ARK2N: variants seen among roughly 807,000 people sequenced by gnomAD.
The protein encoded by ARK2N is protein ARK2N.
At chr18:46,185,325 A>C in the ARK2N span, among the ~76,000 whole-genome samples, 1 of 152,156 alleles carries the variant, frequency 6.6e-6, no homozygotes, top group Admixed American at 6.5e-5. Flanking sequence ...ATAGTGTGCT[A>C]TTTATTCTCC....
the ARK2N span, among the ~76,000 whole-genome samples, chr18:46,185,736 C>T: frequency 9.2e-5 from 14 of 152,274 alleles, no homozygotes; most frequent in South Asian, 2.3e-3. Flanking sequence ...CCTGTAATCC[C>T]AGTACTTTGT....
At chr18:46,224,006 A>G in the ARK2N span, among the ~76,000 whole-genome samples, 1 of 152,210 alleles carries the variant, frequency 6.6e-6, no homozygotes, top group Non-Finnish European at 1.5e-5. Flanking sequence ...CCCAAACTAT[A>G]GGTGACCCAA....
the ARK2N span, among the ~76,000 whole-genome samples, chr18:46,205,362 C>G: frequency 1.3e-5 from 2 of 152,156 alleles, no homozygotes; most frequent in African/African-American, 4.8e-5. Context: ...TCTAAATCTT[C>G]AGGAGGATTT....
At chr18:46,194,467 TTTTTTTTTTTG>T in the ARK2N span, among the ~76,000 whole-genome samples, 134 of 128,632 alleles carry the variant, frequency 1.0e-3, 2 homozygotes, top group African/African-American at 3.0e-3. Context: ...CTTTTTTTTG[TTTTTTTTTTTG>T]TTTGTTTTTT....
At chr18:46,255,445 C>CTTTTTTTTTTTTTTTT in the ARK2N span, among the ~76,000 whole-genome samples, 15 of 77,724 alleles carry the variant, frequency 1.9e-4, no homozygotes, top group African/African-American at 8.6e-4. Flanking sequence ...CTTTTCTTTT[C>CTTTTTTTTTTTTTTTT]TTTTTTTTTT....
At chr18:46,257,644 A>G in the ARK2N span, among the ~76,000 whole-genome samples, 1 of 147,176 alleles carries the variant, frequency 6.8e-6, no homozygotes, top group Non-Finnish European at 1.5e-5. Context: ...AAAACTTTTA[A>G]TTTACAAACC....
chr18:46,229,893 C>T, the ARK2N span, among the ~76,000 whole-genome samples: 2 of 151,956 alleles, frequency 1.3e-5, no homozygotes, highest in Non-Finnish European at 2.9e-5. Flanking sequence ...TACGAGCCAC[C>T]ACGCCTCGCC....
chr18:46,190,852 C>G, the ARK2N span, among the ~76,000 whole-genome samples: 1 of 152,146 alleles, frequency 6.6e-6, no homozygotes, highest in South Asian at 2.1e-4. Flanking sequence ...CACTGGTTTT[C>G]TGTATGCTAT....
At chr18:46,210,183 A>G in the ARK2N span, among the ~76,000 whole-genome samples, 1 of 152,222 alleles carries the variant, frequency 6.6e-6, no homozygotes. Context: ...ATGATAGTCA[A>G]TACTATTGAA....
chr18:46,200,317 T>C, the ARK2N span, among the ~76,000 whole-genome samples: 3 of 151,238 alleles, frequency 2.0e-5, no homozygotes, highest in South Asian at 2.1e-4. Context: ...TGTTCGTTTG[T>C]TTTTTTTTAA....
chr18:46,193,928 A>G, the ARK2N span, among the ~76,000 whole-genome samples: 4 of 152,046 alleles, frequency 2.6e-5, no homozygotes, highest in African/African-American at 9.7e-5. Flanking sequence ...GGATATTTAC[A>G]CACCTTTAAA....
At chr18:46,224,106 T>C in the ARK2N span, among the ~76,000 whole-genome samples, 1 of 152,324 alleles carries the variant, frequency 6.6e-6, no homozygotes, top group South Asian at 2.1e-4. Context: ...TGGGTATTAA[T>C]AGTTGTACAC....
the ARK2N span, among the ~76,000 whole-genome samples, chr18:46,188,548 G>A: frequency 1.3e-5 from 2 of 152,050 alleles, no homozygotes; most frequent in Non-Finnish European, 2.9e-5. Context: ...GTCTCACTAT[G>A]TTGCCTACGC....
chr18:46,211,408 A>G, the ARK2N span, among the ~76,000 whole-genome samples: 1 of 152,228 alleles, frequency 6.6e-6, no homozygotes, highest in Admixed American at 6.5e-5. Flanking sequence ...GGGTCTTGCC[A>G]TGTTGCCTAG....
the ARK2N span, among the ~76,000 whole-genome samples, chr18:46,181,606 CG>C: frequency 6.6e-6 from 1 of 151,710 alleles, no homozygotes; most frequent in African/African-American, 2.4e-5. Flanking sequence ...CCCAGCTACT[CG>C]GGAGGTTTGA....
At chr18:46,227,683 C>T in the ARK2N span, among the ~76,000 whole-genome samples, 10 of 151,986 alleles carry the variant, frequency 6.6e-5, no homozygotes, top group Admixed American at 2.0e-4. Flanking sequence ...CTGCAACTTC[C>T]GCCTCCCAGG....
chr18:46,177,844 A>G, the ARK2N span, among the ~76,000 whole-genome samples: 1 of 151,748 alleles, frequency 6.6e-6, no homozygotes, highest in African/African-American at 2.4e-5. Context: ...TTGAGGCTAC[A>G]GTGAGCTGTG....
chr18:46,262,899 C>A, the ARK2N span: 51 of 1,603,128 alleles, frequency 3.2e-5, no homozygotes, highest in Admixed American at 1.2e-4. Context: ...GTGGAATTAA[C>A]CATGCTTTTG....
At chr18:46,230,905 G>A in the ARK2N span, among the ~76,000 whole-genome samples, 18 of 152,198 alleles carry the variant, frequency 1.2e-4, no homozygotes, top group African/African-American at 3.9e-4. Flanking sequence ...AAAGGTAAAT[G>A]TGTTTTTGAT....
Sources: gnomAD v4.1 joint callset for allele counts (sites outside exome capture counted in the v4.1 genomes callset) on GRCh38, gnomAD v4.1.1 for gene constraint, MANE v1.5 for transcripts, NCBI Gene and HGNC (gene_info 2026-07-23, HGNC 2026-07-21) for gene names.